Variants in SEMA6D observed in about 807,000 individuals in gnomAD.
SEMA6D encodes the protein semaphorin-6D.
Under a neutral mutation model 106.6 loss-of-function variants are expected in SEMA6D, and 35 were observed. The ratio of observed to expected loss-of-function variants is 0.33; its 90% CI spans 0.25 to 0.44. The LOEUF is 0.44. Among genes scored for constraint, SEMA6D ranks in the 20% least tolerant of loss-of-function variants. The pLI is 1.00. For synonymous variants in SEMA6D, 499 were observed against 487.7 expected, an observed-to-expected ratio of 1.02 and a Z score of -0.31; for missense variants, 1,185 against 1,345.9, an observed-to-expected ratio of 0.88 and a Z score of 1.87.
intron 2 of SEMA6D, among the ~76,000 whole-genome samples, chr15:47,413,046 G>A (rs1393237465): frequency 6.6e-6 from 1 of 152,118 alleles, no homozygotes; most frequent in Non-Finnish European, 1.5e-5. Context: ...TGATAATGGT[G>A]ACTGTTGACA....
chr15:47,712,819 C>G (rs981020636), upstream of SEMA6D, among the ~76,000 whole-genome samples: 11 of 152,164 alleles, frequency 7.2e-5, no homozygotes, highest in African/African-American at 2.4e-4. Flanking sequence ...AATTTGGAGT[C>G]TCAGCTTTCT....
chr15:47,448,965 C>T (rs990738975), intron 2 of SEMA6D, among the ~76,000 whole-genome samples: 1 of 152,086 alleles, frequency 6.6e-6, no homozygotes, highest in Non-Finnish European at 1.5e-5. Context: ...ATCATCATCT[C>T]CCCCATTCAT....
At position 47,690,811 on chromosome 15, in the gene SEMA6D, A is replaced by G. The variant is rs116136628; in HGVS notation, c.-54-68934A>G. On this transcript the variant is annotated intron_variant, in intron 4 of 19. Coordinates refer to the SEMA6D transcript ENST00000558014. ...GCTATTTTTTAACACTTCATTTTGT[A>G]GCAATTTTAAACCTTAAAAAGGTAT... Among the ~76,000 whole-genome samples the G allele has an allele frequency of 9.7e-3, 1,478 of 152,312 alleles. 23 individuals carry two copies. Among genetic ancestry groups the G allele is most frequent in the African/African-American group, 0.034 (1,429 of 41,568 alleles).
At chr15:47,644,842 A>G (rs2077552281) in intron 4 of SEMA6D, among the ~76,000 whole-genome samples, 1 of 152,110 alleles carries the variant, frequency 6.6e-6, no homozygotes, top group Non-Finnish European at 1.5e-5. Context: ...GAGATAACTG[A>G]AGTGGTTTGT....
chr15:47,248,777 A>C (rs550619233), intron 1 of SEMA6D, among the ~76,000 whole-genome samples: 1 of 152,330 alleles, frequency 6.6e-6, no homozygotes, highest in East Asian at 1.9e-4. Flanking sequence ...GTAAGAGATA[A>C]CAGTGGCCTC....
intron 1 of SEMA6D, among the ~76,000 whole-genome samples, chr15:47,741,620 A>T (rs1751370059): frequency 6.6e-6 from 1 of 152,208 alleles, no homozygotes; most frequent in Admixed American, 6.5e-5. Flanking sequence ...AGGCTGAGGC[A>T]GGAGAATTGC....
intron 3 of SEMA6D, among the ~76,000 whole-genome samples, chr15:47,595,566 C>G (rs1396451128): frequency 1.3e-5 from 2 of 152,080 alleles, no homozygotes; most frequent in Non-Finnish European, 2.9e-5. Context: ...ATGTCTTTGT[C>G]TGGCTTTGGT....
chr15:47,419,045 TGGAAA>T (rs1214134630), intron 2 of SEMA6D, among the ~76,000 whole-genome samples: 1 of 152,026 alleles, frequency 6.6e-6, no homozygotes. Flanking sequence ...GAATTTAAGC[TGGAAA>T]GGAGAGAAGA....
chr15:47,719,560 A>G (rs1176146175), intron 1 of SEMA6D, among the ~76,000 whole-genome samples: 3 of 152,078 alleles, frequency 2.0e-5, no homozygotes, highest in Non-Finnish European at 4.4e-5. Flanking sequence ...CATTAAGTGG[A>G]TTATTTTGTT....
intron 1 of SEMA6D, among the ~76,000 whole-genome samples, chr15:47,403,033 C>T (rs2040448616): frequency 1.3e-5 from 2 of 152,160 alleles, no homozygotes; most frequent in South Asian, 4.1e-4. Flanking sequence ...AGCAATTATG[C>T]ATTCTGGGCT....
At chr15:47,202,637 A>G (rs1367562398) in intron 1 of SEMA6D, among the ~76,000 whole-genome samples, 1 of 152,138 alleles carries the variant, frequency 6.6e-6, no homozygotes, top group Non-Finnish European at 1.5e-5. Context: ...TTGATCTCTC[A>G]AGTCACCTTC....
intron 1 of SEMA6D, among the ~76,000 whole-genome samples, chr15:47,269,183 A>G (rs781679654): frequency 2.6e-5 from 4 of 152,120 alleles, no homozygotes; most frequent in African/African-American, 4.8e-5. Flanking sequence ...CTGTTTTCCA[A>G]TTTATAAATA....
chr15:47,607,518 T>G (rs1224559734), intron 4 of SEMA6D, among the ~76,000 whole-genome samples: 1 of 152,190 alleles, frequency 6.6e-6, no homozygotes, highest in Non-Finnish European at 1.5e-5. Context: ...TCACTCTAAG[T>G]AAATATCTAC....
intron 1 of SEMA6D, among the ~76,000 whole-genome samples, chr15:47,342,910 A>C (rs1231005475): frequency 7.2e-5 from 11 of 151,978 alleles, no homozygotes; most frequent in Non-Finnish European, 1.6e-4. Context: ...GCAGGGTTTC[A>C]CCATGTTGGC....
chr15:47,442,436 A>G (rs1011685342), intron 2 of SEMA6D, among the ~76,000 whole-genome samples: 1 of 152,100 alleles, frequency 6.6e-6, no homozygotes, highest in Admixed American at 6.6e-5. Flanking sequence ...AAGGAACTTT[A>G]GCCTGCATTT....
chr15:47,205,715 G>A (rs1008144532), intron 1 of SEMA6D, among the ~76,000 whole-genome samples: 5 of 151,812 alleles, frequency 3.3e-5, no homozygotes, highest in East Asian at 1.9e-4. Context: ...GAAAACATTC[G>A]AATAGACCAT....
intron 1 of SEMA6D, among the ~76,000 whole-genome samples, chr15:47,244,789 C>T (rs571183853): frequency 6.7e-4 from 102 of 152,284 alleles, no homozygotes; most frequent in Non-Finnish European, 1.2e-3. Flanking sequence ...ACAAATGATT[C>T]TATCACCAGA....
At chr15:47,648,035 A>G (rs1281464459) in intron 4 of SEMA6D, among the ~76,000 whole-genome samples, 4 of 152,128 alleles carry the variant, frequency 2.6e-5, no homozygotes, top group Non-Finnish European at 5.9e-5. Flanking sequence ...ACAAAACACA[A>G]TATTTATATG....
intron 1 of SEMA6D, among the ~76,000 whole-genome samples, chr15:47,308,933 A>G (rs1202413893): frequency 6.6e-6 from 1 of 152,314 alleles, no homozygotes; most frequent in East Asian, 1.9e-4. Context: ...TTGGCATCAT[A>G]TGGAGTAAAC....
Sources: gnomAD v4.1 joint callset for allele counts (sites outside exome capture counted in the v4.1 genomes callset) on GRCh38, gnomAD v4.1.1 for gene constraint, MANE v1.5 for transcripts, NCBI Gene and HGNC (gene_info 2026-07-23, HGNC 2026-07-21) for gene names.